The following TTYH3 variants were observed in gnomAD, a reference collection of about 807,000 sequenced individuals.
The protein encoded by TTYH3 is tweety family member 3.
Under a neutral mutation model 68.2 loss-of-function variants are expected in TTYH3, and 23 were observed. That is an observed-to-expected ratio of 0.34 (90% confidence interval 0.24 to 0.48). TTYH3 has a LOEUF of 0.48. Ranked by LOEUF, TTYH3 falls within the 20% of genes least tolerant of loss-of-function variation. TTYH3 has a pLI of 0.99. For synonymous variants in TTYH3, 360 were observed against 332.8 expected (o/e 1.08, Z -0.89); for missense variants, 768 against 727.7 (o/e 1.06, Z -0.64).
intron 1 of TTYH3, among the ~76,000 whole-genome samples, chr7:2,639,026 G>T (rs1351812874): frequency 6.6e-6 from 1 of 152,120 alleles, no homozygotes; most frequent in Non-Finnish European, 1.5e-5. Context: ...CAGGACACCT[G>T]GGGGGTTCTC....
chr7:2,652,890 C>G (rs1786226996), intron 8 of TTYH3, 28 bp from the exon 9 acceptor site: 1 of 1,538,208 alleles, frequency 6.5e-7, no homozygotes, highest in African/African-American at 1.4e-5. Context: ...CAGCAGCGCC[C>G]ATGGACTTGG....
At chr7:2,647,360 C>G (rs952906880) in intron 3 of TTYH3, 58 bp from the exon 4 acceptor site, 2 of 1,475,272 alleles carry the variant, frequency 1.4e-6, no homozygotes, top group African/African-American at 2.8e-5. Flanking sequence ...CAGGAGGGGC[C>G]CAGACTCTGG....
Position 2,662,219 on chromosome 7 carries a change from C to A in TTYH3, c.*480C>A, listed in dbSNP as rs892814515. ...ACACGTGCCACCTGCTCATCTCTGC[C>A]CTGAGGTCACCCCGTGGTCCCTCCA... On this transcript the variant is annotated 3_prime_UTR_variant, in exon 14 of 14. Coordinates refer to ENST00000258796, the MANE Select transcript of TTYH3 (RefSeq NM_025250.3). The A allele has an allele frequency of 4.0e-6, 1 of 249,226 alleles. No homozygotes were observed. The highest frequency in any genetic ancestry group is 7.8e-6 in the Non-Finnish European group (1 of 127,646). The allele number at this position is 249,226 out of a possible 1,614,324, so 15.4% of individuals were successfully genotyped here.
intron 8 of TTYH3, among the ~76,000 whole-genome samples, chr7:2,652,476 A>G (rs1394235886): frequency 6.6e-6 from 1 of 152,206 alleles, no homozygotes; most frequent in Non-Finnish European, 1.5e-5. Flanking sequence ...ATGCACCCGC[A>G]TCGCTGGGAC....
In TTYH3 at chr7:2,659,158, G is replaced by A. The variant is rs1022017377; in HGVS notation, c.1500+143G>A. The A allele has an allele frequency of 7.2e-6, 6 of 834,110 alleles. No homozygotes were observed. In the African/African-American group the frequency reaches 8.6e-5, roughly 12 times the overall value. 51.7% of individuals were successfully genotyped at this position (834,110 alleles called of 1,614,324 possible). A position where few individuals can be genotyped will look rare whatever the true frequency, so the allele number is the denominator to read the frequency against. On this transcript the variant is annotated intron_variant, in intron 13 of 13. Transcript: ENST00000258796. ...TGAGCTGCCACCACCGGGGTCCCAG[G>A]TGACCCTTCCCAGCTGGGACCTCTC...
At chr7:2,639,953 C>T (rs1376659010) in intron 1 of TTYH3, among the ~76,000 whole-genome samples, 5 of 152,148 alleles carry the variant, frequency 3.3e-5, no homozygotes, top group Middle Eastern at 3.2e-3. Context: ...TGGTCTCTCC[C>T]AATGCCTCGG....
chr7:2,647,388 C>T (rs1486612390), intron 3 of TTYH3, 30 bp from the exon 4 acceptor site: 3 of 1,468,924 alleles, frequency 2.0e-6, no homozygotes, highest in Non-Finnish European at 2.7e-6. Context: ...CGGGCGCGCT[C>T]CCAGCCTCAC....
Position 2,652,963 on chromosome 7 carries a change from G to C in TTYH3, c.973G>C (p.Val325Leu), listed in dbSNP as rs145817330. ...HKALVEMQDV[V>L]AELLRTVPWE... ...GGCACTGGTGGAGATGCAGGATGTCGTGGCTGAGCTTCTGAGGACCGTCCC... is the reference window on the plus strand; with the variant it reads ...GGCACTGGTGGAGATGCAGGATGTCCTGGCTGAGCTTCTGAGGACCGTCCC... The change falls in exon 9 of 14, where the codon GTG becomes CTG. Residue 325 changes from valine (V) to leucine (L), a missense_variant. Coordinates refer to ENST00000258796, the MANE Select transcript of TTYH3 (RefSeq NM_025250.3). The C allele has an allele frequency of 6.3e-7, 1 of 1,576,460 alleles. No homozygotes were observed. Among genetic ancestry groups the C allele is most frequent in the Non-Finnish European group, 8.6e-7 (1 of 1,161,498 alleles).
rs1786059119 is a variant in TTYH3 at position 2,648,341 on chromosome 7, C to T, written c.722+287C>T. On this transcript the variant is annotated intron_variant, in intron 5 of 13. Coordinates refer to ENST00000258796, the MANE Select transcript of TTYH3 (RefSeq NM_025250.3). The stretch of plus-strand genomic sequence containing the variant: ...AGGACCTGAAGCAACCTGCCCAGGT[C>T]TCCGAGTGCCTGGGGCCACCCAGAG... 2.6e-5 allele frequency: 10 copies of T among 377,682 alleles called. No homozygotes were observed. The South Asian group carries it at 4.3e-4, about 16-fold the overall frequency. 23.4% of individuals were successfully genotyped at this position (377,682 alleles called of 1,614,324 possible).
intron 6 of TTYH3, 59 bp downstream of exon 6, chr7:2,649,698 G>T: frequency 6.4e-7 from 1 of 1,553,122 alleles, no homozygotes; most frequent in Non-Finnish European, 8.7e-7. Context: ...GGGGAGGGAC[G>T]AGGGGAAGCC....
chr7:2,648,152 C>A, intron 5 of TTYH3, 98 bp downstream of exon 5: 2 of 1,202,386 alleles, frequency 1.7e-6, no homozygotes, highest in Non-Finnish European at 2.3e-6. Context: ...AGATCCTAGC[C>A]ACAAGCTCTG....
intron 1 of TTYH3, among the ~76,000 whole-genome samples, chr7:2,646,200 A>G (rs1785976463): frequency 6.6e-6 from 1 of 152,168 alleles, no homozygotes; most frequent in African/African-American, 2.4e-5. Context: ...CTTTTAGTAG[A>G]GATGGGGTTT....
Position 2,647,175 on chromosome 7 carries a change from G to A in TTYH3, c.327G>A (p.Gly109=), listed in dbSNP as rs1253053105. ...AGIAVGFYGN[G]ETSDGIHRAT... ...TCGCAGTGGGATTCTACGGCAACGGGGAGACCAGTGATGGCATCCATAGGG... is the reference window on the plus strand; with the variant it reads ...TCGCAGTGGGATTCTACGGCAACGGAGAGACCAGTGATGGCATCCATAGGG... The change falls in exon 3 of 14, where the codon GGG becomes GGA. Residue 109 remains glycine, a synonymous_variant. Transcript: ENST00000258796. 11 of 1,606,800 alleles carry A rather than the reference G, an allele frequency of 6.8e-6. No individual in the cohort carries two copies. The highest frequency in any genetic ancestry group is 3.4e-5 in the Admixed American group (2 of 59,448).
intron 1 of TTYH3, among the ~76,000 whole-genome samples, chr7:2,640,966 G>C (rs375235241): frequency 1.6e-4 from 24 of 152,214 alleles, no homozygotes; most frequent in African/African-American, 5.8e-4. Context: ...TTTGGGCCTG[G>C]GTCTCTAATA....
At chr7:2,642,537 CA>C (rs34165282) in intron 1 of TTYH3, among the ~76,000 whole-genome samples, 2,256 of 57,524 alleles carry the variant, frequency 0.039, 14 homozygotes, top group Non-Finnish European at 0.06. Context: ...GACTCTGTCT[CA>C]AAAAAAAAAA....
chr7:2,655,607 G>A (rs1253491768), intron 9 of TTYH3, among the ~76,000 whole-genome samples: 2 of 152,248 alleles, frequency 1.3e-5, no homozygotes, highest in South Asian at 2.1e-4. Flanking sequence ...CCGTGCACAG[G>A]TGCACACGCA....
At chr7:2,650,198 G>A (rs977894948) in intron 7 of TTYH3, among the ~76,000 whole-genome samples, 31 of 152,234 alleles carry the variant, frequency 2.0e-4, no homozygotes, top group Admixed American at 6.5e-4. Context: ...GTGGGGTGGC[G>A]GGTGCCCGCG....
In TTYH3 at chr7:2,647,239, G is replaced by A; in HGVS notation, c.391G>A (p.Gly131Arg). The change falls in exon 3 of 14, where the codon GGG becomes AGG. Residue 131 changes from glycine to arginine, a missense_variant. Gly to Arg is a moderately radical substitution (Grantham distance 125). Transcript: ENST00000258796. ...SLRHANRTVA[G>R]VQDRVWDTAV... ...CCGCCACGCCAACCGCACGGTGGCC[G>A]GGGTCCAGGACCGCGTGAGTGGCCG... 6.3e-7 allele frequency: 1 copy of A among 1,592,148 alleles called. No individual in the cohort carries two copies. The highest frequency in any genetic ancestry group is 2.3e-5 in the East Asian group (1 of 44,170).
Position 2,656,399 on chromosome 7 carries a change from A to T in TTYH3, c.1115A>T (p.Asp372Val). 1 of 1,608,968 alleles carries T rather than the reference A, an allele frequency of 6.2e-7. No homozygotes were observed. Among genetic ancestry groups the T allele is most frequent in the Non-Finnish European group, 8.5e-7 (1 of 1,178,920 alleles). ...ALVDCRSLHL[D>V]YVQALTGFCY... is the part of the protein sequence containing the mutation. ...TGCCATCTCATCCCACGGCCTCAGG[A>T]CTACGTGCAAGCGCTGACCGGCTTC... Residue 372 changes from aspartate (D) to valine (V), a missense_variant and splice_region_variant, in exon 11 of 14, where the codon GAC (aspartate) becomes GTC (valine). Asp to Val is a radical substitution (Grantham distance 152). Coordinates refer to ENST00000258796, the MANE Select transcript of TTYH3 (RefSeq NM_025250.3).
Sources: allele counts gnomAD v4.1 joint callset (sites outside exome capture counted in the v4.1 genomes callset), GRCh38; gene constraint gnomAD v4.1.1; transcripts MANE v1.5; gene names NCBI Gene and HGNC (gene_info 2026-07-23, HGNC 2026-07-21).